RGS6: variants seen among roughly 807,000 people sequenced by gnomAD.
The protein encoded by RGS6 is regulator of G protein signaling 6.
RGS6 carries 30 observed loss-of-function variants against 78.5 expected under a neutral mutation model. The ratio of observed to expected loss-of-function variants is 0.38; its 90% CI spans 0.29 to 0.52. The LOEUF is 0.52. Among genes scored for constraint, RGS6 ranks in the 20% least tolerant of loss-of-function variants. The pLI is 0.85. For synonymous variants in RGS6, 206 were observed against 206.0 expected (o/e 1.00, Z 0.00); for missense variants, 495 against 609.7 (o/e 0.81, Z 1.98).
chr14:72,113,157 C>A (rs566655968), intron 2 of RGS6, among the ~76,000 whole-genome samples: 93 of 152,316 alleles, frequency 6.1e-4, no homozygotes, highest in African/African-American at 2.2e-3. Flanking sequence ...GTAGCTGGGG[C>A]AAGCCCCCCG....
intron 2 of RGS6, among the ~76,000 whole-genome samples, chr14:72,181,971 G>C (rs1426239605): frequency 6.6e-6 from 1 of 152,162 alleles, no homozygotes; most frequent in Non-Finnish European, 1.5e-5. Flanking sequence ...AAAAGGAAAG[G>C]AACATTACTT....
At chr14:72,408,916 G>C (rs1235615168) in intron 3 of RGS6, among the ~76,000 whole-genome samples, 2 of 152,036 alleles carry the variant, frequency 1.3e-5, no homozygotes, top group East Asian at 3.9e-4. Flanking sequence ...GTCTTCTTTG[G>C]GTTCCATCTT....
intron 2 of RGS6, among the ~76,000 whole-genome samples, chr14:72,214,184 T>A (rs1011765255): frequency 2.0e-5 from 3 of 151,600 alleles, no homozygotes; most frequent in African/African-American, 7.3e-5. Context: ...CTTATTTTTT[T>A]TTTTTTTTTT....
chr14:72,207,577 G>T lies in RGS6; in HGVS notation c.85-144518G>T, dbSNP rs1417034228. Among the ~76,000 whole-genome samples, 4 of 152,128 alleles carry T rather than the reference G, an allele frequency of 2.6e-5. No individual in the cohort carries two copies. In the East Asian group the frequency reaches 7.7e-4, roughly 29 times the overall value. On this transcript the variant is annotated intron_variant, in intron 2 of 17. Coordinates refer to ENST00000553525, the MANE Select transcript of RGS6 (RefSeq NM_001204424.2). Reference sequence around the variant, plus strand: ...AGATTGCAAGGCCCCTCACTTTCCAGTTCATGTTTCCTCTGGCACATCTTT... The same window carrying T: ...AGATTGCAAGGCCCCTCACTTTCCATTTCATGTTTCCTCTGGCACATCTTT...
intron 2 of RGS6, among the ~76,000 whole-genome samples, chr14:72,133,103 C>T (rs1192218079): frequency 6.6e-6 from 1 of 152,086 alleles, no homozygotes; most frequent in African/African-American, 2.4e-5. Flanking sequence ...GAAACATGTC[C>T]ATCTCTCATT....
At chr14:72,526,413 A>T (rs533519603) in intron 15 of RGS6, among the ~76,000 whole-genome samples, 46 of 152,268 alleles carry the variant, frequency 3.0e-4, no homozygotes, top group African/African-American at 1.0e-3. Flanking sequence ...CCAGGAAAAC[A>T]CTTTTCTAAG....
At chr14:72,354,609 A>G (rs2681757) in intron 3 of RGS6, among the ~76,000 whole-genome samples, 80,136 of 151,506 alleles carry the variant, frequency 0.53, 23,700 homozygotes, top group African/African-American at 0.81. Flanking sequence ...CAGCATGGGC[A>G]ACAGAGTGAG....
At chr14:72,036,264 C>CGTTTTGTTTTGTTTT (rs139770357) in intron 2 of RGS6, among the ~76,000 whole-genome samples, 25 of 149,760 alleles carry the variant, frequency 1.7e-4, no homozygotes, top group African/African-American at 5.7e-4. Flanking sequence ...GAACATAACC[C>CGTTTTGTTTTGTTTT]GTTTTGTTTT....
At chr14:72,447,453 A>G (rs1165208969) in intron 3 of RGS6, among the ~76,000 whole-genome samples, 1 of 152,158 alleles carries the variant, frequency 6.6e-6, no homozygotes, top group African/African-American at 2.4e-5. Context: ...TAAAAGCACC[A>G]GAAGACATTT....
chr14:72,302,549 C>T (rs1442049742), intron 2 of RGS6, among the ~76,000 whole-genome samples: 5 of 152,178 alleles, frequency 3.3e-5, no homozygotes, highest in African/African-American at 1.2e-4. Flanking sequence ...GAAACCCATA[C>T]AAAACTCATA....
intron 2 of RGS6, among the ~76,000 whole-genome samples, chr14:72,148,009 T>C (rs1412508380): frequency 6.6e-6 from 1 of 151,738 alleles, no homozygotes; most frequent in Non-Finnish European, 1.5e-5. Context: ...CAGGCGTCTG[T>C]AGTCCCAGCT....
intron 1 of RGS6, among the ~76,000 whole-genome samples, chr14:71,939,846 C>T (rs923747144): frequency 1.3e-5 from 2 of 152,212 alleles, no homozygotes; most frequent in African/African-American, 4.8e-5. Flanking sequence ...CTAATCTCCT[C>T]AGTCCCTCCA....
At chr14:72,058,063 A>G (rs1422972157) in intron 2 of RGS6, among the ~76,000 whole-genome samples, 2 of 149,236 alleles carry the variant, frequency 1.3e-5, no homozygotes, top group African/African-American at 4.9e-5. Context: ...TCATATTGTC[A>G]GTTTATGAGG....
chr14:72,503,520 G>T (rs967898959), intron 13 of RGS6, among the ~76,000 whole-genome samples: 2 of 152,104 alleles, frequency 1.3e-5, no homozygotes, highest in South Asian at 4.1e-4. Flanking sequence ...CAAGTTATGT[G>T]CTTCCAAACT....
At chr14:72,348,459 G>C (rs1019999743) in intron 2 of RGS6, among the ~76,000 whole-genome samples, 2 of 152,150 alleles carry the variant, frequency 1.3e-5, no homozygotes, top group African/African-American at 4.8e-5. Flanking sequence ...TAATGATTTT[G>C]ATCAGTTCCT....
intron 2 of RGS6, among the ~76,000 whole-genome samples, chr14:72,065,292 G>C (rs7151767): frequency 0.7 from 106,651 of 152,118 alleles, 37,536 homozygotes; most frequent in East Asian, 0.82. Flanking sequence ...ATTTTTTCCT[G>C]CATTATTGGT....
chr14:71,899,195 T>G, the RGS6 span, among the ~76,000 whole-genome samples: 3 of 152,180 alleles, frequency 2.0e-5, no homozygotes, highest in African/African-American at 7.2e-5. Context: ...GAAATACAGG[T>G]AAGCAAAATC....
chr14:71,944,838 C>A (rs1271456395), intron 1 of RGS6, among the ~76,000 whole-genome samples: 2 of 152,174 alleles, frequency 1.3e-5, no homozygotes, highest in African/African-American at 4.8e-5. Context: ...TGTACTTACA[C>A]AACCTAGATG....
At chr14:72,043,587 A>G (rs1359963204) in intron 2 of RGS6, among the ~76,000 whole-genome samples, 1 of 152,194 alleles carries the variant, frequency 6.6e-6, no homozygotes, top group East Asian at 1.9e-4. Flanking sequence ...ATGGTTTCTA[A>G]CAAAATGTCT....
Sources: gnomAD v4.1 joint callset for allele counts (sites outside exome capture counted in the v4.1 genomes callset) on GRCh38, gnomAD v4.1.1 for gene constraint, MANE v1.5 for transcripts, NCBI Gene and HGNC (gene_info 2026-07-23, HGNC 2026-07-21) for gene names.